FNDC3B: variants seen among roughly 807,000 people sequenced by gnomAD.
The protein encoded by FNDC3B is fibronectin type III domain containing 3B.
A neutral mutation model predicts 151.5 loss-of-function variants in FNDC3B; 12 were observed. That is an observed-to-expected ratio of 0.08 (90% CI 0.05 to 0.13). The LOEUF is 0.13. FNDC3B is among the 10% of genes least tolerant of loss of function. The pLI is 1.00. For synonymous variants in FNDC3B, 528 were observed against 549.0 expected (o/e 0.96, Z 0.54); for missense variants, 1,214 against 1,505.3 (o/e 0.81, Z 3.20).
chr3:172,205,536 G>A (rs1315663220), intron 3 of FNDC3B, among the ~76,000 whole-genome samples: 1 of 152,208 alleles, frequency 6.6e-6, no homozygotes, highest in Non-Finnish European at 1.5e-5. Flanking sequence ...CTCACAACTA[G>A]TCATTTGTGG....
chr3:172,352,770 A>T lies in FNDC3B; in HGVS notation c.2515-33A>T. ...GGCATCAAAATGTGCTAATGGTGTA[A>T]TATGGCCTTTGTCTTGCTGTTCTGT... On this transcript the variant is annotated intron_variant, in intron 21 of 25. Transcript: ENST00000415807. This position sits in a 1 kb window ranked among gnomAD's most constrained non-coding sequence, Gnocchi z 4.2. The T allele has an allele frequency of 6.2e-7, 1 of 1,602,642 alleles. No homozygotes were observed. The highest frequency in any genetic ancestry group is 8.5e-7 in the Non-Finnish European group (1 of 1,175,700).
At chr3:172,316,158 C>T (rs534436007) in intron 11 of FNDC3B, among the ~76,000 whole-genome samples, 3 of 152,096 alleles carry the variant, frequency 2.0e-5, no homozygotes, top group Admixed American at 2.0e-4. Context: ...CAGGCGTCTG[C>T]CACCACACCC....
At chr3:172,318,005 T>G (rs1446224192) in intron 11 of FNDC3B, among the ~76,000 whole-genome samples, 2 of 152,078 alleles carry the variant, frequency 1.3e-5, no homozygotes, top group African/African-American at 4.8e-5. Context: ...AAAAGGAAGT[T>G]CACATCTGGA....
At chr3:172,137,486 C>T (rs1272239743) in intron 3 of FNDC3B, among the ~76,000 whole-genome samples, 1 of 152,046 alleles carries the variant, frequency 6.6e-6, no homozygotes, top group Non-Finnish European at 1.5e-5. Context: ...TGAGACCCAT[C>T]TCTACCAAAG....
At chr3:172,066,022 T>C (rs1355867160) in intron 1 of FNDC3B, among the ~76,000 whole-genome samples, 1 of 152,220 alleles carries the variant, frequency 6.6e-6, no homozygotes, top group Non-Finnish European at 1.5e-5. Flanking sequence ...AAAGGATGCA[T>C]GAAGGCTTGG....
intron 6 of FNDC3B, among the ~76,000 whole-genome samples, chr3:172,267,968 A>T (rs1326596610): frequency 6.6e-6 from 1 of 152,212 alleles, no homozygotes; most frequent in Non-Finnish European, 1.5e-5. Context: ...GTGGACCCTG[A>T]GGTGTCATAT....
intron 6 of FNDC3B, 86 bp downstream of exon 6, chr3:172,251,627 T>A: frequency 1.5e-6 from 2 of 1,297,162 alleles, no homozygotes; most frequent in Non-Finnish European, 2.1e-6. Context: ...CATGAGAATA[T>A]TATTTCATGG....
intron 3 of FNDC3B, among the ~76,000 whole-genome samples, chr3:172,195,955 A>T (rs1312899942): frequency 6.6e-6 from 1 of 152,218 alleles, no homozygotes; most frequent in Non-Finnish European, 1.5e-5. Context: ...GTGTGGATTA[A>T]ATGAGATTAT....
rs564651768 is a variant in FNDC3B at position 172,336,785 on chromosome 3, C to G, written c.1781-545C>G. 2.4e-3 allele frequency among the ~76,000 whole-genome samples: 364 copies of G among 151,758 alleles called. 1 individual carries two copies. Among genetic ancestry groups the G allele is most frequent in the African/African-American group, 8.3e-3 (344 of 41,438 alleles). On this transcript the variant is annotated intron_variant, in intron 15 of 25. Transcript: ENST00000415807. The stretch of plus-strand genomic sequence containing the variant: ...AGGCGTAGTGGCGGGCGCCTGTAAT[C>G]CCAGCTACTTGGGAGGCTGAGGAAG...
At chr3:172,167,126 T>C (rs1433280214) in intron 3 of FNDC3B, among the ~76,000 whole-genome samples, 1 of 152,224 alleles carries the variant, frequency 6.6e-6, no homozygotes, top group Non-Finnish European at 1.5e-5. Flanking sequence ...CCGGGTACAT[T>C]GGCTCACGCC....
intron 3 of FNDC3B, among the ~76,000 whole-genome samples, chr3:172,147,114 A>T (rs36088027): frequency 0.62 from 94,654 of 151,798 alleles, 30,019 homozygotes; most frequent in African/African-American, 0.76. Flanking sequence ...GAGACCAGCC[A>T]GGCCAACATA....
At chr3:172,334,620 T>C (rs2108294780) in intron 14 of FNDC3B, among the ~76,000 whole-genome samples, 1 of 152,212 alleles carries the variant, frequency 6.6e-6, no homozygotes, top group South Asian at 2.1e-4. Flanking sequence ...TTTTGTACTT[T>C]TAGTAGAGAT....
intron 24 of FNDC3B, 82 bp from the exon 25 acceptor site, chr3:172,380,884 G>GT (rs1735401129): frequency 2.0e-6 from 3 of 1,486,808 alleles, no homozygotes; most frequent in African/African-American, 2.8e-5. Context: ...CTCTCTCTGG[G>GT]TTCTCACTAA....
intron 4 of FNDC3B, among the ~76,000 whole-genome samples, chr3:172,245,878 A>G (rs1350648647): frequency 6.6e-6 from 1 of 152,242 alleles, no homozygotes; most frequent in East Asian, 1.9e-4. Flanking sequence ...AACTATTAAC[A>G]CAGTAGAAAC....
At chr3:172,267,656 G>A (rs915315056) in intron 6 of FNDC3B, among the ~76,000 whole-genome samples, 6 of 152,158 alleles carry the variant, frequency 3.9e-5, no homozygotes, top group Non-Finnish European at 8.8e-5. Flanking sequence ...GGAGCTCATG[G>A]CATTTCCCAA....
chr3:172,272,816 G>A (rs923212525), intron 6 of FNDC3B, among the ~76,000 whole-genome samples: 1 of 152,072 alleles, frequency 6.6e-6, no homozygotes, highest in Non-Finnish European at 1.5e-5. Context: ...AATCAATCCT[G>A]GCAACTAGTG....
At position 172,352,721 on chromosome 3, in the gene FNDC3B, T is replaced by C. The variant is rs1197244238; in HGVS notation, c.2515-82T>C. On this transcript the variant is annotated intron_variant, in intron 21 of 25. Coordinates refer to ENST00000415807, the MANE Select transcript of FNDC3B (RefSeq NM_022763.4). The surrounding 1 kb of genome is among the most constrained non-coding windows in gnomAD (Gnocchi z 4.2). The stretch of plus-strand genomic sequence containing the variant: ...TGTGGAAATGTGTACTACTTTAGAT[T>C]TATTTAATGGCAGCTAACTCAGAGG... 13 of 1,385,126 alleles carry C rather than the reference T, an allele frequency of 9.4e-6. No homozygotes were observed. The highest frequency in any genetic ancestry group is 1.4e-5 in the African/African-American group (1 of 69,614). 85.8% of individuals were successfully genotyped at this position (1,385,126 alleles called of 1,614,324 possible).
intron 7 of FNDC3B, among the ~76,000 whole-genome samples, chr3:172,289,005 T>A (rs1252939712): frequency 2.6e-5 from 4 of 152,232 alleles, no homozygotes; most frequent in African/African-American, 9.6e-5. Context: ...CACCTATATG[T>A]TTCCTATTGC....
chr3:172,328,858 A>G (rs1732486442), intron 11 of FNDC3B, 94 bp from the exon 12 acceptor site: 1 of 955,858 alleles, frequency 1.0e-6, no homozygotes, highest in Non-Finnish European at 1.5e-6. Context: ...TTAAGCAGTT[A>G]TTCAAGATGT....
Sources: gnomAD v4.1 joint callset for allele counts (sites outside exome capture counted in the v4.1 genomes callset) on GRCh38, gnomAD v4.1.1 for gene constraint, Gnocchi (gnomAD v3.1) non-coding constraint, MANE v1.5 for transcripts, NCBI Gene and HGNC (gene_info 2026-07-23, HGNC 2026-07-21) for gene names.